KLHL1: variants seen among roughly 807,000 people sequenced by gnomAD.
The protein encoded by KLHL1 is kelch like family member 1, also known as kelch-like protein 1.
In KLHL1, 47 loss-of-function variants were observed where a neutral mutation model predicts 77.7. The observed-to-expected ratio is 0.60, with a 90% CI of 0.48 to 0.77. KLHL1 has a LOEUF of 0.77. Among genes scored for constraint, KLHL1 ranks in the 30% least tolerant of loss-of-function variants. KLHL1 has a pLI of 0.00. For missense variants in KLHL1, 925 were observed against 910.8 expected, an observed-to-expected ratio of 1.02 and a Z score of -0.20; for synonymous variants, 360 against 325.2, an observed-to-expected ratio of 1.11 and a Z score of -1.15.
rs1356957021 is a variant in KLHL1, at chr13:69,707,638, T to C, written c.2174A>G (p.Asn725Ser). 9 of 1,611,276 alleles carry C rather than the reference T, an allele frequency of 5.6e-6. No homozygotes were observed. Among genetic ancestry groups the C allele is most frequent in the Non-Finnish European group, 7.6e-6 (9 of 1,178,384 alleles). The change falls in exon 10 of 11, where the codon AAT (asparagine) becomes AGT (serine). Residue 725 changes from asparagine to serine, a missense_variant. By Grantham distance (46) the Asn-to-Ser change is conservative. Transcript: ENST00000377844. ...NTMESYDPQT[N>S]EWTQMASLNI... ...TGACAATCTTACCTGTGTCCACTCA[T>C]TAGTTTGTGGGTCATAGGATTCCAT...
intron 4 of KLHL1, among the ~76,000 whole-genome samples, chr13:69,901,612 G>A (rs768256193): frequency 1.3e-5 from 2 of 152,074 alleles, no homozygotes; most frequent in Non-Finnish European, 2.9e-5. Flanking sequence ...CAATCTTACT[G>A]TAACATTTTA....
At chr13:69,930,786 G>A (rs1449749634) in intron 4 of KLHL1, among the ~76,000 whole-genome samples, 2 of 151,566 alleles carry the variant, frequency 1.3e-5, no homozygotes, top group African/African-American at 2.4e-5. Context: ...CCAAACTAAG[G>A]CCATTATAGA....
At chr13:69,833,477 GA>G (rs1878848068) in intron 6 of KLHL1, among the ~76,000 whole-genome samples, 1 of 151,694 alleles carries the variant, frequency 6.6e-6, no homozygotes, top group Non-Finnish European at 1.5e-5. Flanking sequence ...AGGATGTGGT[GA>G]AAAAGGGAAC....
chr13:69,782,569 A>T (rs1185218773), intron 7 of KLHL1, among the ~76,000 whole-genome samples: 1 of 152,144 alleles, frequency 6.6e-6, no homozygotes, highest in Non-Finnish European at 1.5e-5. Context: ...GATTGCTAGC[A>T]TAGGAGTCTG....
At chr13:69,978,985 G>A (rs1056847198) in intron 1 of KLHL1, among the ~76,000 whole-genome samples, 3 of 151,726 alleles carry the variant, frequency 2.0e-5, no homozygotes, top group African/African-American at 4.8e-5. Context: ...GGGGGCTGGG[G>A]GTCATAGTAT....
intron 4 of KLHL1, among the ~76,000 whole-genome samples, chr13:69,908,266 G>C (rs1882109240): frequency 6.6e-6 from 1 of 151,570 alleles, no homozygotes; most frequent in African/African-American, 2.4e-5. Flanking sequence ...GGGATAGAGA[G>C]AGAGTAGCCG....
intron 8 of KLHL1, among the ~76,000 whole-genome samples, chr13:69,723,808 A>T (rs1873170850): frequency 6.6e-6 from 1 of 151,382 alleles, no homozygotes; most frequent in African/African-American, 2.4e-5. Context: ...CTTTCGGCTG[A>T]TAATAACTCT....
At position 69,839,106 on chromosome 13, in the gene KLHL1, C is replaced by T; in HGVS notation, c.1284G>A (p.Lys428=). Residue 428 remains lysine, a synonymous_variant, in exon 6 of 11, where the codon AAG becomes AAA. Coordinates refer to ENST00000377844, the MANE Select transcript of KLHL1 (RefSeq NM_020866.3). ...ALFKNDLECQ[K]LILEAMKYHL... is the part of the protein sequence containing the mutation. ...GGTATTTCATTGCTTCTAGAATCAG[C>T]TTTTGACATTCCAGATCATTCTTAA... 6.2e-7 allele frequency: 1 copy of T among 1,608,530 alleles called. No homozygotes were observed. Among genetic ancestry groups the T allele is most frequent in the Non-Finnish European group, 8.5e-7 (1 of 1,176,950 alleles).
chr13:69,708,189 C>T (rs1284194697), intron 9 of KLHL1, among the ~76,000 whole-genome samples: 3 of 151,844 alleles, frequency 2.0e-5, no homozygotes, highest in African/African-American at 4.8e-5. Context: ...GTGGAATACT[C>T]GACAGATGAA....
chr13:69,840,990 C>G (rs983608626), intron 5 of KLHL1, among the ~76,000 whole-genome samples: 1 of 151,746 alleles, frequency 6.6e-6, no homozygotes, highest in Admixed American at 6.6e-5. Context: ...ATATGTAAAG[C>G]TGGCTCTCAT....
At chr13:69,702,846 CG>C (rs1211273065) in intron 10 of KLHL1, among the ~76,000 whole-genome samples, 1 of 151,506 alleles carries the variant, frequency 6.6e-6, no homozygotes, top group Non-Finnish European at 1.5e-5. Flanking sequence ...TGAATATATT[CG>C]TGACATATTT....
chr13:69,798,206 A>G (rs1159709360), intron 6 of KLHL1, among the ~76,000 whole-genome samples: 1 of 152,160 alleles, frequency 6.6e-6, no homozygotes, highest in Non-Finnish European at 1.5e-5. Flanking sequence ...CTACAAAGCA[A>G]ATTAACATTC....
At chr13:70,006,498 TC>T (rs1460992884) in intron 1 of KLHL1, among the ~76,000 whole-genome samples, 12 of 112,050 alleles carry the variant, frequency 1.1e-4, no homozygotes, top group Admixed American at 9.9e-4. Context: ...GTATTCCCCC[TC>T]AAGTTTTTTT....
intron 7 of KLHL1, among the ~76,000 whole-genome samples, chr13:69,789,549 C>T (rs1876761109): frequency 6.6e-6 from 1 of 151,966 alleles, no homozygotes; most frequent in Non-Finnish European, 1.5e-5. Context: ...ATGACATAAA[C>T]AGTATTTGTG....
intron 7 of KLHL1, among the ~76,000 whole-genome samples, chr13:69,768,186 G>A (rs1003959474): frequency 3.9e-5 from 6 of 152,088 alleles, no homozygotes; most frequent in African/African-American, 9.7e-5. Context: ...AGCTTACCAA[G>A]CTGCAAAGAA....
At chr13:69,821,138 T>C (rs917940501) in intron 6 of KLHL1, among the ~76,000 whole-genome samples, 1 of 152,126 alleles carries the variant, frequency 6.6e-6, no homozygotes, top group Non-Finnish European at 1.5e-5. Context: ...ATCATTATAA[T>C]GTACGAACTG....
chr13:70,019,321 C>G (rs1237920171), intron 1 of KLHL1, among the ~76,000 whole-genome samples: 1 of 151,650 alleles, frequency 6.6e-6, no homozygotes, highest in Non-Finnish European at 1.5e-5. Flanking sequence ...GAAAAAGATA[C>G]TGAATGCGGG....
chr13:69,812,520 C>A (rs1877926908), intron 6 of KLHL1, among the ~76,000 whole-genome samples: 2 of 152,030 alleles, frequency 1.3e-5, no homozygotes, highest in African/African-American at 4.8e-5. Context: ...AAGAAACTAC[C>A]ATCAGAGTGA....
intron 4 of KLHL1, among the ~76,000 whole-genome samples, chr13:69,892,206 A>G (rs1353488976): frequency 6.6e-6 from 1 of 152,206 alleles, no homozygotes; most frequent in Non-Finnish European, 1.5e-5. Flanking sequence ...AGGAGAAAAG[A>G]TAAATCTCTG....
Sources: allele counts gnomAD v4.1 joint callset (sites outside exome capture counted in the v4.1 genomes callset), GRCh38; gene constraint gnomAD v4.1.1; transcripts MANE v1.5; gene names NCBI Gene and HGNC (gene_info 2026-07-23, HGNC 2026-07-21).